The following CABIN1 variants were observed in gnomAD, a reference collection of about 807,000 sequenced individuals.
CABIN1 encodes calcineurin binding protein 1, also known as calcineurin-binding protein cabin-1.
In CABIN1, 133 loss-of-function variants were observed where a neutral mutation model predicts 227.7. That is an observed-to-expected ratio of 0.58 (90% CI 0.51 to 0.67). The LOEUF is 0.67. CABIN1 is among the 30% of genes least tolerant of loss of function. CABIN1 has a pLI of 0.00. For missense variants in CABIN1, 2,408 were observed against 2,852.5 expected (o/e 0.84, Z 3.55); for synonymous variants, 1,086 against 1,155.1 (o/e 0.94, Z 1.21).
chr22:24,060,251 G>A (rs990980432), intron 12 of CABIN1, 110 bp downstream of exon 12: 9 of 1,083,712 alleles, frequency 8.3e-6, no homozygotes, highest in Non-Finnish European at 1.2e-5. Context: ...CTACTTGTGG[G>A]CCTGGAACCT....
At chr22:24,038,549 C>G in intron 4 of CABIN1, 88 bp downstream of exon 4, 1 of 909,792 alleles carries the variant, frequency 1.1e-6, no homozygotes, top group Non-Finnish European at 1.8e-6. Context: ...CTCTGCTCTC[C>G]CATTTCTTGG....
intron 1 of CABIN1, among the ~76,000 whole-genome samples, chr22:24,033,320 T>A (rs2036628402): frequency 6.6e-6 from 1 of 152,168 alleles, no homozygotes; most frequent in African/African-American, 2.4e-5. Context: ...GCAGTCATTT[T>A]AAATTTATTT....
rs374800940 is a variant in CABIN1 at position 24,058,338 on chromosome 22, T to C, written c.1263-889T>C. Among the ~76,000 whole-genome samples, 91 of 152,340 alleles carry C rather than the reference T, an allele frequency of 6.0e-4. 1 individual carries two copies. The South Asian group carries it at 0.018, about 30-fold the overall frequency. On this transcript the variant is annotated intron_variant, in intron 10 of 36. Transcript: ENST00000263119. Reference sequence around the variant, plus strand: ...ACACTTAACTTAGTTTCTGCTTCTTTGAATGGTCAAGGCAAGAGCAACATG... The same window carrying C: ...ACACTTAACTTAGTTTCTGCTTCTTCGAATGGTCAAGGCAAGAGCAACATG...
intron 27 of CABIN1, among the ~76,000 whole-genome samples, chr22:24,117,270 A>C (rs1183021338): frequency 6.6e-6 from 1 of 152,180 alleles, no homozygotes; most frequent in Admixed American, 6.5e-5. Context: ...TGATGCAATC[A>C]TGGCTCACTA....
chr22:24,132,445 G>T (rs2044132757), intron 28 of CABIN1, among the ~76,000 whole-genome samples: 1 of 152,216 alleles, frequency 6.6e-6, no homozygotes, highest in African/African-American at 2.4e-5. Flanking sequence ...GGATAGGGTG[G>T]GGTGGAGTGC....
chr22:24,130,296 C>T (rs943569683), intron 28 of CABIN1, among the ~76,000 whole-genome samples: 5 of 152,196 alleles, frequency 3.3e-5, no homozygotes, highest in African/African-American at 1.2e-4. Context: ...AGCACATGCC[C>T]AGGCGGATTT....
At chr22:24,080,994 G>A (rs549521401) in intron 19 of CABIN1, among the ~76,000 whole-genome samples, 27 of 151,940 alleles carry the variant, frequency 1.8e-4, no homozygotes, top group Non-Finnish European at 3.2e-4. Context: ...GTAAATCTTT[G>A]AGGCTTTGTA....
At chr22:24,013,738 T>C (rs2035024651) in intron 1 of CABIN1, among the ~76,000 whole-genome samples, 1 of 152,194 alleles carries the variant, frequency 6.6e-6, no homozygotes, top group Non-Finnish European at 1.5e-5. Flanking sequence ...CAAGATCCCA[T>C]GTTGCATTTA....
chr22:24,028,606 G>C (rs1293718952), intron 1 of CABIN1, among the ~76,000 whole-genome samples: 4 of 152,086 alleles, frequency 2.6e-5, no homozygotes, highest in Non-Finnish European at 4.4e-5. Context: ...GTTATGGAGA[G>C]GTGCAGTTGT....
At chr22:24,038,504 G>T in intron 4 of CABIN1, 43 bp downstream of exon 4, 1 of 1,410,134 alleles carries the variant, frequency 7.1e-7, no homozygotes, top group Non-Finnish European at 1.0e-6. Context: ...GGTGGTTAGT[G>T]CATGGGCTGT....
intron 10 of CABIN1, among the ~76,000 whole-genome samples, chr22:24,057,555 C>T (rs1480148310): frequency 6.6e-6 from 1 of 152,110 alleles, no homozygotes; most frequent in Non-Finnish European, 1.5e-5. Context: ...CATATGTGTT[C>T]GATATGCCAT....
chr22:24,170,752 G>GCC (rs71320752), intron 33 of CABIN1, among the ~76,000 whole-genome samples: 8,102 of 116,290 alleles, frequency 0.07, 875 homozygotes, highest in East Asian at 0.15. Context: ...GTAGCAAACT[G>GCC]CCCCCCCCCC....
intron 1 of CABIN1, among the ~76,000 whole-genome samples, chr22:24,034,209 TCTC>T (rs2036701033): frequency 6.6e-6 from 1 of 152,230 alleles, no homozygotes; most frequent in Non-Finnish European, 1.5e-5. Context: ...CTGCCGCTCA[TCTC>T]CTGTTCTGTG....
intron 18 of CABIN1, among the ~76,000 whole-genome samples, chr22:24,073,903 T>C (rs1223680108): frequency 6.6e-6 from 1 of 152,218 alleles, no homozygotes; most frequent in Non-Finnish European, 1.5e-5. Context: ...TGATGAGAGG[T>C]GCATGCACTA....
At chr22:24,067,802 G>A (rs2039797217) in intron 16 of CABIN1, among the ~76,000 whole-genome samples, 1 of 152,166 alleles carries the variant, frequency 6.6e-6, no homozygotes, top group Non-Finnish European at 1.5e-5. Flanking sequence ...GAGTCCTGTT[G>A]TAGGGATTAC....
At chr22:24,029,339 A>C (rs1034738360) in intron 1 of CABIN1, among the ~76,000 whole-genome samples, 7 of 152,208 alleles carry the variant, frequency 4.6e-5, no homozygotes, top group African/African-American at 1.7e-4. Flanking sequence ...CTTGAGCTCA[A>C]GGGTTCAAGA....
In CABIN1 at chr22:24,149,752, C is replaced by T. The variant is rs566531173; in HGVS notation, c.4747-14648C>T. ...CCCTTGCTGCATAGGGATATTGAGT[C>T]ATTTGTTTAGACTGCTCAGAGCCTG... is the stretch of plus-strand genomic sequence containing the variant. On this transcript the variant is annotated intron_variant, in intron 29 of 36. Transcript: ENST00000263119. Among the ~76,000 whole-genome samples the T allele has an allele frequency of 7.2e-5, 11 of 152,316 alleles. No individual in the cohort carries two copies. The South Asian group carries it at 2.1e-3, about 29-fold the overall frequency.
Position 24,086,802 on chromosome 22 carries a change from T to A in CABIN1, c.3264-650T>A, listed in dbSNP as rs11914224. Among the ~76,000 whole-genome samples the A allele has an allele frequency of 1.6e-3, 239 of 152,306 alleles. 1 individual carries two copies. Among genetic ancestry groups the A allele is most frequent in the African/African-American group, 5.6e-3 (232 of 41,552 alleles). ...CAGTTTCTTTCGGGTGGTCTCAGAA[T>A]GGTAGGGTCTCAGCCATCATGTGGT... On this transcript the variant is annotated intron_variant, in intron 22 of 36. Transcript: ENST00000263119.
chr22:24,116,301 C>G (rs1422174399), intron 27 of CABIN1, among the ~76,000 whole-genome samples: 1 of 152,220 alleles, frequency 6.6e-6, no homozygotes, highest in Non-Finnish European at 1.5e-5. Flanking sequence ...TCTATCATAT[C>G]GTTCTGAGGG....
Sources: allele counts gnomAD v4.1 joint callset (sites outside exome capture counted in the v4.1 genomes callset), GRCh38; gene constraint gnomAD v4.1.1; transcripts MANE v1.5; gene names NCBI Gene and HGNC (gene_info 2026-07-23, HGNC 2026-07-21).